The following RARB variants were observed in gnomAD, a reference collection of about 807,000 sequenced individuals.
The protein encoded by RARB is retinoic acid receptor beta.
Under a neutral mutation model 51.9 loss-of-function variants are expected in RARB, and 17 were observed. That is an observed-to-expected ratio of 0.33 (90% CI 0.22 to 0.49). RARB has a LOEUF of 0.49. Among genes scored for constraint, RARB ranks in the 20% least tolerant of loss-of-function variants. The pLI is 0.99. For synonymous variants in RARB, 215 were observed against 195.4 expected (o/e 1.10, Z -0.84); for missense variants, 369 against 550.8 (o/e 0.67, Z 3.30).
intron 3 of RARB, among the ~76,000 whole-genome samples, chr3:25,525,493 C>T (rs1426062637): frequency 6.6e-6 from 1 of 152,216 alleles, no homozygotes; most frequent in Admixed American, 6.5e-5. Context: ...GCTTCGGGCT[C>T]ATGCCTTCAT....
chr3:24,938,597 A>C (rs1695593147), intron 2 of RARB, among the ~76,000 whole-genome samples: 3 of 152,218 alleles, frequency 2.0e-5, no homozygotes, highest in Admixed American at 6.5e-5. Context: ...TTAAAATGGT[A>C]AATTTTAAAT....
At chr3:25,125,957 G>C (rs1374119236) in intron 3 of RARB, among the ~76,000 whole-genome samples, 1 of 152,160 alleles carries the variant, frequency 6.6e-6, no homozygotes, top group Non-Finnish European at 1.5e-5. Context: ...GAGGGTGGGA[G>C]AGAGGGCAGT....
chr3:24,835,973 A>G (rs1702340328), intron 1 of RARB, among the ~76,000 whole-genome samples: 1 of 152,128 alleles, frequency 6.6e-6, no homozygotes, highest in Admixed American at 6.5e-5. Context: ...AACAAGTGGG[A>G]TTTTCAGTCT....
intron 3 of RARB, among the ~76,000 whole-genome samples, chr3:25,107,613 G>A (rs79893759): frequency 0.015 from 2,348 of 152,152 alleles, 66 homozygotes; most frequent in African/African-American, 0.054. Context: ...AAGTAGTACT[G>A]AACCCTATAA....
chr3:25,040,915 GT>G (rs1481357835), intron 2 of RARB, among the ~76,000 whole-genome samples: 1 of 152,192 alleles, frequency 6.6e-6, no homozygotes, highest in Non-Finnish European at 1.5e-5. Context: ...ATGATTCAAA[GT>G]CAGCTCATTG....
At chr3:24,913,061 A>G (rs1371353427) in intron 2 of RARB, among the ~76,000 whole-genome samples, 1 of 140,014 alleles carries the variant, frequency 7.1e-6, no homozygotes. Flanking sequence ...GCTCACTGCA[A>G]GCTCCGCCTC....
chr3:25,177,407 C>A lies in RARB; in HGVS notation c.178+2832C>A, dbSNP rs148162445. On this transcript the variant is annotated intron_variant, in intron 5 of 11. Coordinates refer to the RARB transcript ENST00000383772. ...ATACTTGGGTGGAAAAGCTGACCAA[C>A]GTGGAATAAAAAGGGAGCAAACATG... is the stretch of plus-strand genomic sequence containing the variant. 3.6e-3 allele frequency among the ~76,000 whole-genome samples: 553 copies of A among 152,198 alleles called. 4 individuals carry two copies. Among genetic ancestry groups the A allele is most frequent in the Middle Eastern group, 6.8e-3 (2 of 294 alleles).
intron 2 of RARB, among the ~76,000 whole-genome samples, chr3:24,911,958 C>A (rs773561210): frequency 6.6e-6 from 1 of 152,162 alleles, no homozygotes; most frequent in Admixed American, 6.5e-5. Flanking sequence ...GGTGACAACA[C>A]AGTACATAGG....
intron 5 of RARB, among the ~76,000 whole-genome samples, chr3:25,403,160 CAA>C (rs532977113): frequency 2.3e-4 from 20 of 86,362 alleles, no homozygotes; most frequent in Admixed American, 3.9e-4. Flanking sequence ...GACTGCATCT[CAA>C]AAAAAAAAAA....
At chr3:25,457,232 G>A (rs1559412559) in intron 1 of RARB, among the ~76,000 whole-genome samples, 1 of 152,080 alleles carries the variant, frequency 6.6e-6, no homozygotes, top group Non-Finnish European at 1.5e-5. Flanking sequence ...GGAACCCACT[G>A]TATTATCATT....
chr3:24,904,590 G>T (rs529533250), intron 2 of RARB, among the ~76,000 whole-genome samples: 1 of 152,300 alleles, frequency 6.6e-6, no homozygotes, highest in Non-Finnish European at 1.5e-5. Flanking sequence ...CAACCATTGT[G>T]GAAGACAGTG....
intron 5 of RARB, among the ~76,000 whole-genome samples, chr3:25,185,290 T>C (rs1293359293): frequency 1.3e-5 from 2 of 152,122 alleles, no homozygotes; most frequent in African/African-American, 4.8e-5. Flanking sequence ...ATACACAACA[T>C]TTAAGGCTAT....
intron 5 of RARB, among the ~76,000 whole-genome samples, chr3:25,584,153 TTCCC>T (rs1320796069): frequency 3.3e-5 from 5 of 152,096 alleles, no homozygotes; most frequent in African/African-American, 1.2e-4. Flanking sequence ...TCCACCCCTC[TTCCC>T]TCCCTCCCAT....
At chr3:24,958,310 G>T (rs4564926) in intron 2 of RARB, among the ~76,000 whole-genome samples, 64,491 of 130,282 alleles carry the variant, frequency 0.5, 16,487 homozygotes, top group African/African-American at 0.62. Context: ...GAGCCCTCAG[G>T]GAACTTTAGA....
chr3:25,504,668 T>A (rs1421691732), intron 3 of RARB, among the ~76,000 whole-genome samples: 1 of 151,686 alleles, frequency 6.6e-6, no homozygotes. Context: ...CTTTATGCTG[T>A]GGGAGAAAAA....
At chr3:25,341,530 G>A (rs1296588324) in intron 5 of RARB, among the ~76,000 whole-genome samples, 1 of 151,998 alleles carries the variant, frequency 6.6e-6, no homozygotes, top group Non-Finnish European at 1.5e-5. Flanking sequence ...CCAAAGGAAG[G>A]GTTGGGGTGA....
chr3:25,463,851 T>G (rs544346416), intron 2 of RARB, among the ~76,000 whole-genome samples: 4 of 152,184 alleles, frequency 2.6e-5, no homozygotes, highest in Non-Finnish European at 5.9e-5. Context: ...AATTGTGCTA[T>G]TTTATGGCAA....
intron 5 of RARB, among the ~76,000 whole-genome samples, chr3:25,360,414 T>G (rs1050406834): frequency 1.3e-5 from 2 of 152,228 alleles, no homozygotes; most frequent in Non-Finnish European, 1.5e-5. Flanking sequence ...CTGATGGGTC[T>G]TGACTTTTGA....
At chr3:24,967,084 A>G (rs1696291563) in intron 2 of RARB, among the ~76,000 whole-genome samples, 1 of 152,200 alleles carries the variant, frequency 6.6e-6, no homozygotes. Context: ...TCGAAAGTCA[A>G]CAATTTCACA....
Sources: allele counts gnomAD v4.1 joint callset (sites outside exome capture counted in the v4.1 genomes callset), GRCh38; gene constraint gnomAD v4.1.1; transcripts MANE v1.5; gene names NCBI Gene and HGNC (gene_info 2026-07-23, HGNC 2026-07-21).